The following MBD5 variants were observed in gnomAD, a reference collection of about 807,000 sequenced individuals.
MBD5 encodes methyl-CpG-binding domain protein 5.
A neutral mutation model predicts 117.3 loss-of-function variants in MBD5; 13 were observed. That is an observed-to-expected ratio of 0.11 (90% CI 0.07 to 0.18). The LOEUF is 0.18. MBD5 is among the 10% of genes least tolerant of loss of function. MBD5 has a pLI of 1.00. For missense variants in MBD5, 1,879 were observed against 2,093.8 expected (o/e 0.90, Z 2.00); for synonymous variants, 727 against 766.4 (o/e 0.95, Z 0.85).
At chr2:148,363,303 G>C (rs1703595377) in intron 4 of MBD5, among the ~76,000 whole-genome samples, 1 of 152,118 alleles carries the variant, frequency 6.6e-6, no homozygotes, top group African/African-American at 2.4e-5. Context: ...CGCAATCTTG[G>C]CTCACTGCCA....
intron 1 of MBD5, among the ~76,000 whole-genome samples, chr2:148,175,690 G>A (rs1478926292): frequency 2.0e-5 from 3 of 152,220 alleles, no homozygotes; most frequent in South Asian, 2.1e-4. Context: ...GACTGCTGGA[G>A]TTTGAAATCC....
intron 12 of MBD5, 50 bp downstream of exon 12, chr2:148,502,559 T>TA: frequency 6.5e-7 from 1 of 1,535,782 alleles, no homozygotes; most frequent in Admixed American, 1.7e-5. Flanking sequence ...TATAATTTAC[T>TA]GTTTTTCCAT....
intron 1 of MBD5, among the ~76,000 whole-genome samples, chr2:148,154,993 A>G (rs1697831645): frequency 6.6e-6 from 1 of 152,188 alleles, no homozygotes; most frequent in South Asian, 2.1e-4. Flanking sequence ...GAGGTTCTAT[A>G]GGCCCTGAAG....
chr2:148,146,366 C>A (rs1486087700), intron 1 of MBD5, among the ~76,000 whole-genome samples: 6 of 151,952 alleles, frequency 3.9e-5, no homozygotes, highest in African/African-American at 1.5e-4. Flanking sequence ...TCAAGTGATC[C>A]TCTCTATAGG....
intron 1 of MBD5, among the ~76,000 whole-genome samples, chr2:148,022,392 T>C (rs1693777176): frequency 6.6e-6 from 1 of 152,170 alleles, no homozygotes; most frequent in Admixed American, 6.5e-5. Flanking sequence ...AGTCCAAAGC[T>C]CTAAAATGCT....
intron 3 of MBD5, among the ~76,000 whole-genome samples, chr2:148,267,834 T>C (rs1700892575): frequency 6.6e-6 from 1 of 152,158 alleles, no homozygotes; most frequent in Non-Finnish European, 1.5e-5. Context: ...GAATCAATCT[T>C]ATTCCCACTG....
Position 148,458,304 on chromosome 2 carries a change from G to A in MBD5, c.-455G>A. 2.4e-6 allele frequency: 1 copy of A among 409,724 alleles called. No individual in the cohort carries two copies. Among genetic ancestry groups the A allele is most frequent in the Non-Finnish European group, 4.3e-6 (1 of 231,776 alleles). The allele number at this position is 409,724 out of a possible 1,614,324, so 25.4% of individuals were successfully genotyped here. ...ATAAAGAGAAAGTTTAAAGAATGTG[G>A]CCTATAAAGGCGGGTACCTGGAAAT... On this transcript the variant is annotated 5_prime_UTR_variant, in exon 5 of 14. The change creates a premature stop within an existing upstream ORF in the 5' untranslated region. Transcript: ENST00000642680.
chr2:148,469,432 A>G lies in MBD5; in HGVS notation c.1489A>G (p.Ile497Val), dbSNP rs771672174. 12 of 1,613,868 alleles carry G rather than the reference A, an allele frequency of 7.4e-6. No individual in the cohort carries two copies. The East Asian group carries it at 1.6e-4, about 21-fold the overall frequency. The change falls in exon 8 of 14, where the codon ATA (isoleucine) becomes GTA (valine). Residue 497 changes from isoleucine (I) to valine (V), a missense_variant. Ile to Val is a conservative substitution (Grantham distance 29, BLOSUM62 3). Coordinates refer to ENST00000642680, the MANE Select transcript of MBD5 (RefSeq NM_001378120.1). ...KVPPRSPRST[I>V]GSPRPSMPSS... ...TCCACCCAGGTCACCAAGGTCAACA[A>G]TAGGGTCCCCAAGGCCATCAATGCC...
intron 4 of MBD5, among the ~76,000 whole-genome samples, chr2:148,411,421 A>G (rs546022784): frequency 1.3e-5 from 2 of 151,644 alleles, no homozygotes; most frequent in Non-Finnish European, 2.9e-5. Flanking sequence ...AGAAGTCACC[A>G]TACTGCTTTC....
chr2:148,325,798 G>A (rs941276455), intron 3 of MBD5, among the ~76,000 whole-genome samples: 22 of 151,718 alleles, frequency 1.5e-4, no homozygotes, highest in African/African-American at 2.2e-4. Flanking sequence ...TCCTGGATTC[G>A]TTAATTTTTT....
chr2:148,181,582 T>C (rs1376916133), intron 2 of MBD5, among the ~76,000 whole-genome samples: 1 of 152,214 alleles, frequency 6.6e-6, no homozygotes, highest in Non-Finnish European at 1.5e-5. Context: ...TTGAGTTTTT[T>C]AAAATCACTA....
chr2:148,032,968 G>A (rs1050491239), intron 1 of MBD5, among the ~76,000 whole-genome samples: 19 of 152,086 alleles, frequency 1.2e-4, no homozygotes, highest in Admixed American at 1.2e-3. Flanking sequence ...GATTGACTAA[G>A]CTGTGAATAA....
rs375717411 is a variant in MBD5, at chr2:148,446,029, T to G, written c.-556-12174T>G. On this transcript the variant is annotated intron_variant, in intron 4 of 13. Transcript: ENST00000642680. ...TTGAGTTCATTGTAGATTCTGGATA[T>G]TAGCCCTTTGTCAGATGAGTAGGTT... Among the ~76,000 whole-genome samples the G allele has an allele frequency of 1.1e-3, 164 of 151,196 alleles. 3 individuals are homozygous for G. In the South Asian group the frequency reaches 0.033, roughly 31 times the overall value.
At chr2:148,319,017 C>T (rs1702223450) in intron 3 of MBD5, among the ~76,000 whole-genome samples, 1 of 152,132 alleles carries the variant, frequency 6.6e-6, no homozygotes, top group Non-Finnish European at 1.5e-5. Flanking sequence ...CACCCAGCCT[C>T]TCAGTGTATA....
chr2:148,064,143 T>G (rs1375706850), intron 1 of MBD5, among the ~76,000 whole-genome samples: 1 of 145,932 alleles, frequency 6.9e-6, no homozygotes, highest in African/African-American at 2.5e-5. Flanking sequence ...TTTTTTTTTT[T>G]GAGACAGAGC....
chr2:148,121,104 C>T (rs972337348), intron 1 of MBD5, among the ~76,000 whole-genome samples: 1 of 152,106 alleles, frequency 6.6e-6, no homozygotes, highest in Non-Finnish European at 1.5e-5. Context: ...CTAGTGCATC[C>T]GTTTTCTAGC....
At chr2:148,043,485 A>AAATG (rs1446837847) in intron 1 of MBD5, among the ~76,000 whole-genome samples, 7 of 141,706 alleles carry the variant, frequency 4.9e-5, no homozygotes, top group African/African-American at 1.8e-4. Flanking sequence ...ATAAATAAAT[A>AAATG]AAAGAATAGA....
At chr2:148,333,402 G>T in intron 3 of MBD5, among the ~76,000 whole-genome samples, 1 of 152,170 alleles carries the variant, frequency 6.6e-6, no homozygotes, top group Non-Finnish European at 1.5e-5. Context: ...CACCAAAGAA[G>T]AATCTTCTTC....
At chr2:148,496,646 TTCTA>T (rs1476733048) in intron 11 of MBD5, among the ~76,000 whole-genome samples, 1 of 152,226 alleles carries the variant, frequency 6.6e-6, no homozygotes, top group Non-Finnish European at 1.5e-5. Flanking sequence ...AAACATTTAA[TTCTA>T]TCTATGTGTT....
Sources: allele counts gnomAD v4.1 joint callset (sites outside exome capture counted in the v4.1 genomes callset), GRCh38; gene constraint gnomAD v4.1.1; transcripts MANE v1.5; gene names NCBI Gene and HGNC (gene_info 2026-07-23, HGNC 2026-07-21).